SPATA16: variants seen among roughly 807,000 people sequenced by gnomAD.
SPATA16 encodes spermatogenesis associated 16.
SPATA16 carries 36 observed loss-of-function variants against 63.3 expected under a neutral mutation model. The ratio of observed to expected loss-of-function variants is 0.57; its 90% CI spans 0.44 to 0.75. The LOEUF (loss-of-function observed/expected upper bound fraction) is 0.75, where lower values mean the gene tolerates loss of function less well. Ranked by LOEUF, SPATA16 falls within the 30% of genes least tolerant of loss-of-function variation. SPATA16 has a pLI of 0.00. For synonymous variants in SPATA16, 203 were observed against 216.7 expected (o/e 0.94, Z 0.56); for missense variants, 646 against 679.3 (o/e 0.95, Z 0.54).
chr3:173,053,785 A>G (rs1246675237), intron 2 of SPATA16, among the ~76,000 whole-genome samples: 5 of 152,148 alleles, frequency 3.3e-5, no homozygotes, highest in African/African-American at 1.2e-4. Context: ...AAAGGCTGGC[A>G]TTGTTTGAGT....
At chr3:173,051,338 G>A (rs1009763376) in intron 2 of SPATA16, among the ~76,000 whole-genome samples, 2 of 152,176 alleles carry the variant, frequency 1.3e-5, no homozygotes, top group African/African-American at 4.8e-5. Flanking sequence ...AAGTAGTTGG[G>A]ATTACAGGCA....
intron 2 of SPATA16, among the ~76,000 whole-genome samples, chr3:173,112,064 G>A (rs776459398): frequency 6.6e-6 from 1 of 151,992 alleles, no homozygotes; most frequent in Non-Finnish European, 1.5e-5. Context: ...TTCAATGGTG[G>A]TAATAGATGG....
At chr3:173,003,319 A>G (rs991386177) in intron 4 of SPATA16, among the ~76,000 whole-genome samples, 1 of 152,212 alleles carries the variant, frequency 6.6e-6, no homozygotes, top group Non-Finnish European at 1.5e-5. Flanking sequence ...TAATATGCTC[A>G]TTAGTAATCA....
chr3:173,061,730 T>C (rs1736384062), intron 2 of SPATA16, among the ~76,000 whole-genome samples: 1 of 152,192 alleles, frequency 6.6e-6, no homozygotes. Flanking sequence ...TTTTGTTACT[T>C]GAAAGAGGAA....
chr3:173,122,721 C>T (rs1018937028), intron 1 of SPATA16, among the ~76,000 whole-genome samples: 5 of 152,042 alleles, frequency 3.3e-5, no homozygotes, highest in African/African-American at 4.8e-5. Context: ...TAAAGATGAC[C>T]GAGACAGGGG....
At chr3:173,001,165 T>C (rs12629188) in intron 4 of SPATA16, among the ~76,000 whole-genome samples, 28,474 of 152,042 alleles carry the variant, frequency 0.19, 2,925 homozygotes, top group East Asian at 0.35. Flanking sequence ...ACGAGTAATG[T>C]AGTGGTAAGG....
At chr3:173,084,819 A>G (rs1415888709) in intron 2 of SPATA16, among the ~76,000 whole-genome samples, 1 of 152,164 alleles carries the variant, frequency 6.6e-6, no homozygotes, top group Non-Finnish European at 1.5e-5. Context: ...GTTGAAGATC[A>G]GATGTTGTAC....
intron 2 of SPATA16, among the ~76,000 whole-genome samples, chr3:173,059,418 T>TTTATCTTACTTTTTCTTATTCA (rs1736323245): frequency 6.6e-6 from 1 of 151,820 alleles, no homozygotes; most frequent in South Asian, 2.1e-4. Context: ...ACTTAGCTCA[T>TTTATCTTACTTTTTCTTATTCA]TTATCTTACT....
chr3:173,075,010 AAAGG>A (rs1234468591), intron 2 of SPATA16, among the ~76,000 whole-genome samples: 7 of 146,994 alleles, frequency 4.8e-5, no homozygotes, highest in African/African-American at 1.6e-4. Flanking sequence ...AAAAAAAAAA[AAAGG>A]AAAGAAAAGA....
intron 2 of SPATA16, among the ~76,000 whole-genome samples, chr3:173,101,510 A>G (rs995489560): frequency 6.6e-6 from 1 of 152,140 alleles, no homozygotes; most frequent in East Asian, 1.9e-4. Flanking sequence ...TATGTCATCT[A>G]TATATTCTAC....
At chr3:172,999,246 C>A (rs540606911) in intron 4 of SPATA16, among the ~76,000 whole-genome samples, 1 of 152,118 alleles carries the variant, frequency 6.6e-6, no homozygotes, top group South Asian at 2.1e-4. Flanking sequence ...TTCAGATTGT[C>A]TATTTCTTCT....
At chr3:172,925,966 C>G (rs2109579628) in intron 6 of SPATA16, among the ~76,000 whole-genome samples, 1 of 152,136 alleles carries the variant, frequency 6.6e-6, no homozygotes, top group African/African-American at 2.4e-5. Context: ...GCTGGGATTA[C>G]AGGCGCCCGC....
intron 3 of SPATA16, among the ~76,000 whole-genome samples, chr3:173,028,185 G>A (rs1052531776): frequency 6.6e-6 from 1 of 151,020 alleles, no homozygotes; most frequent in African/African-American, 2.4e-5. Context: ...TCCTCCCGAG[G>A]CAACACTCCT....
chr3:172,985,710 G>T (rs115403862), intron 4 of SPATA16, among the ~76,000 whole-genome samples: 1,572 of 152,220 alleles, frequency 0.01, 23 homozygotes, highest in Non-Finnish European at 0.015. Context: ...AAGGTAGCAG[G>T]TTTTTTATTT....
chr3:173,047,369 T>C (rs1323780389), intron 3 of SPATA16, among the ~76,000 whole-genome samples: 2 of 151,986 alleles, frequency 1.3e-5, no homozygotes, highest in African/African-American at 4.8e-5. Flanking sequence ...AATATTTCTT[T>C]TAAAATGTAG....
At chr3:172,927,257 C>T (rs868404057) in intron 6 of SPATA16, among the ~76,000 whole-genome samples, 65 of 152,314 alleles carry the variant, frequency 4.3e-4, no homozygotes, top group African/African-American at 1.5e-3. Context: ...CGAGCTTCTC[C>T]ACAGAACCTC....
chr3:173,091,012 A>T (rs1485225859), intron 2 of SPATA16, among the ~76,000 whole-genome samples: 1 of 152,100 alleles, frequency 6.6e-6, no homozygotes. Context: ...GTGGGAGGAC[A>T]TTGACAACTC....
intron 1 of SPATA16, among the ~76,000 whole-genome samples, chr3:173,125,131 C>T (rs1163324608): frequency 6.6e-6 from 1 of 152,176 alleles, no homozygotes; most frequent in Non-Finnish European, 1.5e-5. Flanking sequence ...TCTCAGTCTT[C>T]CCATCCCAGT....
chr3:172,925,925 A>T (rs887050364), intron 6 of SPATA16, among the ~76,000 whole-genome samples: 5 of 152,100 alleles, frequency 3.3e-5, no homozygotes, highest in African/African-American at 1.2e-4. Context: ...TCCTGGGTTC[A>T]AGCGATTCTC....
Sources: gnomAD v4.1 joint callset for allele counts (sites outside exome capture counted in the v4.1 genomes callset) on GRCh38, gnomAD v4.1.1 for gene constraint, MANE v1.5 for transcripts, NCBI Gene and HGNC (gene_info 2026-07-23, HGNC 2026-07-21) for gene names.